Variants in PHACTR2 observed in about 807,000 individuals in gnomAD.
The protein encoded by PHACTR2 is phosphatase and actin regulator 2.
A neutral mutation model predicts 76.0 loss-of-function variants in PHACTR2; 30 were observed. The observed-to-expected ratio is 0.39, with a 90% CI of 0.30 to 0.54. The LOEUF is 0.54. Ranked by LOEUF, PHACTR2 falls within the 20% of genes least tolerant of loss-of-function variation. PHACTR2 has a pLI of 0.61. For synonymous variants in PHACTR2, 292 were observed against 292.5 expected (o/e 1.00, Z 0.02); for missense variants, 696 against 781.1 (o/e 0.89, Z 1.30).
intron 2 of PHACTR2, among the ~76,000 whole-genome samples, chr6:143,713,230 C>G (rs1272159209): frequency 6.6e-6 from 1 of 152,028 alleles, no homozygotes; most frequent in Non-Finnish European, 1.5e-5. Flanking sequence ...AAAGTGGTCT[C>G]GGATGCATTT....
At position 143,658,155 on chromosome 6, in the gene PHACTR2, C is replaced by G. The variant is rs1209265303; in HGVS notation, c.13+49833C>G. Among the ~76,000 whole-genome samples, 1 of 152,112 alleles carries G rather than the reference C, an allele frequency of 6.6e-6. No individual in the cohort carries two copies. The highest frequency in any genetic ancestry group is 6.5e-5 in the Admixed American group (1 of 15,278). On this transcript the variant is annotated intron_variant, in intron 1 of 11. Transcript: ENST00000305766. The surrounding 1 kb of genome is among the most constrained non-coding windows in gnomAD (Gnocchi z 4.1). ...GTTTTTATTTCTGCTGAATAAATGA[C>G]AAGTAGAATTTCTGAGTCATAGGGT...
At chr6:143,665,137 A>G (rs1046440336) in intron 1 of PHACTR2, among the ~76,000 whole-genome samples, 6 of 152,194 alleles carry the variant, frequency 3.9e-5, no homozygotes, top group African/African-American at 1.4e-4. Flanking sequence ...TATCCTGTAG[A>G]TGTTTTCAGT....
rs546471969 is a variant in PHACTR2, at chr6:143,581,833, C to T, written c.217+44626C>T. On this transcript the variant is annotated intron_variant, in intron 1 of 11. Transcript: ENST00000367584. The surrounding 1 kb of genome is among the most constrained non-coding windows in gnomAD (Gnocchi z 4.5). ...GGTGACAGAGTGAGAACCCTGTTCC[C>T]CTCCCCACCCCTCAAAAAGGAAAGA... 6.8e-4 allele frequency among the ~76,000 whole-genome samples: 104 copies of T among 152,110 alleles called. 2 individuals carry two copies. In the South Asian group the frequency reaches 0.021, roughly 31 times the overall value.
rs1214879485 is a variant in PHACTR2, at chr6:143,585,875, T to C, written c.217+48668T>C. 6.6e-6 allele frequency among the ~76,000 whole-genome samples: 1 copy of C among 152,184 alleles called. No homozygotes were observed. Among genetic ancestry groups the C allele is most frequent in the Non-Finnish European group, 1.5e-5 (1 of 68,026 alleles). On this transcript the variant is annotated intron_variant, in intron 1 of 11. Coordinates refer to the PHACTR2 transcript ENST00000367584. The surrounding 1 kb of genome is among the most constrained non-coding windows in gnomAD (Gnocchi z 5.2). ...AGTGGATGAGCCCAGCAGCAGGGGATTTTAAGCTGGGGCCGCTAGCACTTC... is the reference window on the plus strand; with the variant it reads ...AGTGGATGAGCCCAGCAGCAGGGGACTTTAAGCTGGGGCCGCTAGCACTTC...
intron 1 of PHACTR2, among the ~76,000 whole-genome samples, chr6:143,586,614 G>A (rs1330382715): frequency 3.9e-5 from 6 of 152,200 alleles, no homozygotes; most frequent in Non-Finnish European, 8.8e-5. Context: ...GCAGCCCAGG[G>A]CAGTTTTGCA....
chr6:143,755,190 A>G lies in PHACTR2; in HGVS notation c.454+1278A>G, dbSNP rs1779271886. 9.0e-6 allele frequency: 4 copies of G among 446,108 alleles called. No homozygotes were observed. Among genetic ancestry groups the G allele is most frequent in the Non-Finnish European group, 1.8e-5 (4 of 220,546 alleles). The allele number at this position is 446,108 out of a possible 1,614,324, so 27.6% of individuals were successfully genotyped here. A position where few individuals can be genotyped will look rare whatever the true frequency, so the allele number is the denominator to read the frequency against. ...ATTAACTAATACTTTCAATGATAATATTCCTGGAACATAAAAAGAAAGTAG... is the reference window on the plus strand; with the variant it reads ...ATTAACTAATACTTTCAATGATAATGTTCCTGGAACATAAAAAGAAAGTAG... On this transcript the variant is annotated intron_variant, in intron 4 of 12. Coordinates refer to ENST00000440869, the MANE Select transcript of PHACTR2 (RefSeq NM_001100164.2). The surrounding 1 kb of genome is among the most constrained non-coding windows in gnomAD (Gnocchi z 5.2).
Position 143,794,680 on chromosome 6 carries a change from G to A in PHACTR2, c.1845+5770G>A, listed in dbSNP as rs1427941464. On this transcript the variant is annotated intron_variant, in intron 11 of 12. Coordinates refer to ENST00000440869, the MANE Select transcript of PHACTR2 (RefSeq NM_001100164.2). The surrounding 1 kb of genome is among the most constrained non-coding windows in gnomAD (Gnocchi z 4.1). ...ATGGTGGCTCCTGCCTGTAGTCCCA[G>A]CTGCTTGGGAGACTGAAGCAGGAGA... is the stretch of plus-strand genomic sequence containing the variant. 6.6e-6 allele frequency among the ~76,000 whole-genome samples: 1 copy of A among 152,088 alleles called. No homozygotes were observed. The highest frequency in any genetic ancestry group is 1.5e-5 in the Non-Finnish European group (1 of 68,028).
intron 1 of PHACTR2, among the ~76,000 whole-genome samples, chr6:143,657,625 C>G (rs1285782259): frequency 6.6e-6 from 1 of 152,160 alleles, no homozygotes; most frequent in Non-Finnish European, 1.5e-5. Flanking sequence ...TCTTAGAAGC[C>G]ACGTCTTTTG....
chr6:143,672,329 C>A lies in PHACTR2; in HGVS notation c.14-39687C>A, dbSNP rs1331561742. The stretch of plus-strand genomic sequence containing the variant: ...ACAAATAATTAGCTGGGCATGGTGG[C>A]AGGCACCCATAGTCCCAGCTACTCT... On this transcript the variant is annotated intron_variant, in intron 1 of 11. Transcript: ENST00000305766. This position sits in a 1 kb window ranked among gnomAD's most constrained non-coding sequence, Gnocchi z 5.8. Among the ~76,000 whole-genome samples the A allele has an allele frequency of 1.3e-5, 2 of 151,720 alleles. No individual in the cohort carries two copies. Among genetic ancestry groups the A allele is most frequent in the Non-Finnish European group, 1.5e-5 (1 of 67,950 alleles).
chr6:143,698,618 C>G lies in PHACTR2; in HGVS notation c.47-13398C>G, dbSNP rs935678849. On this transcript the variant is annotated intron_variant, in intron 1 of 12. Coordinates refer to ENST00000440869, the MANE Select transcript of PHACTR2 (RefSeq NM_001100164.2). The surrounding 1 kb of genome is among the most constrained non-coding windows in gnomAD (Gnocchi z 4.3). ...CTATGTCTGCCGTGGGAACTAATGC[C>G]ACAGTACCACCGTGTGAGCCTCTGG... 6.6e-6 allele frequency among the ~76,000 whole-genome samples: 1 copy of G among 152,150 alleles called. No homozygotes were observed. The highest frequency in any genetic ancestry group is 1.5e-5 in the Non-Finnish European group (1 of 68,036).
rs932923596 is a variant in PHACTR2 at position 143,765,243 on chromosome 6, A to G, written c.695-18A>G. On this transcript the variant is annotated intron_variant, in intron 5 of 12. Coordinates refer to ENST00000440869, the MANE Select transcript of PHACTR2 (RefSeq NM_001100164.2). This position sits in a 1 kb window ranked among gnomAD's most constrained non-coding sequence, Gnocchi z 4.1. The stretch of plus-strand genomic sequence containing the variant: ...ATTGTATTCTTTGATTTTTTAATGC[A>G]AGGTCTCTCTATTGTAGCTGGCTCC... The G allele has an allele frequency of 5.7e-6, 9 of 1,574,074 alleles. No individual in the cohort carries two copies. Among genetic ancestry groups the G allele is most frequent in the Non-Finnish European group, 7.8e-6 (9 of 1,159,914 alleles).
At position 143,697,087 on chromosome 6, in the gene PHACTR2, A is replaced by G. The variant is rs1777791422; in HGVS notation, c.47-14929A>G. 1.3e-5 allele frequency among the ~76,000 whole-genome samples: 2 copies of G among 152,234 alleles called. No individual in the cohort carries two copies. The highest frequency in any genetic ancestry group is 1.3e-4 in the Admixed American group (2 of 15,284). On this transcript the variant is annotated intron_variant, in intron 1 of 12. Coordinates refer to ENST00000440869, the MANE Select transcript of PHACTR2 (RefSeq NM_001100164.2). This position sits in a 1 kb window ranked among gnomAD's most constrained non-coding sequence, Gnocchi z 4.4. ...TTAATTGAAAGCCTAAAATATTGCC[A>G]CATAACTGAACATCTGTCATAATGC...
rs1217048568 is a variant in PHACTR2, at chr6:143,767,695, G to A, written c.1232+1897G>A. Among the ~76,000 whole-genome samples the A allele has an allele frequency of 6.6e-6, 1 of 152,146 alleles. No individual in the cohort carries two copies. Among genetic ancestry groups the A allele is most frequent in the African/African-American group, 2.4e-5 (1 of 41,436 alleles). ...ATGGTGGAAGGTGGAAGGGCAGAGA[G>A]CACAACAGAGTGAACCTACCCCTGT... On this transcript the variant is annotated intron_variant, in intron 6 of 12. Transcript: ENST00000440869. The surrounding 1 kb of genome is among the most constrained non-coding windows in gnomAD (Gnocchi z 4.4).
At chr6:143,673,236 A>G (rs1777187629), upstream of PHACTR2, among the ~76,000 whole-genome samples, 1 of 152,192 alleles carries the variant, frequency 6.6e-6, no homozygotes, top group Non-Finnish European at 1.5e-5. Flanking sequence ...GGGGCATACA[A>G]AAGAAAATTT....
chr6:143,644,392 C>T (rs1360811255), intron 1 of PHACTR2, among the ~76,000 whole-genome samples: 2 of 143,602 alleles, frequency 1.4e-5, no homozygotes, highest in African/African-American at 2.6e-5. Flanking sequence ...GGGGTGAACC[C>T]GGGAGGCGGA....
chr6:143,652,616 A>C lies in PHACTR2; in HGVS notation c.13+44294A>C, dbSNP rs995019984. Among the ~76,000 whole-genome samples the C allele has an allele frequency of 2.0e-5, 3 of 152,206 alleles. No homozygotes were observed. The highest frequency in any genetic ancestry group is 2.9e-5 in the Non-Finnish European group (2 of 68,042). On this transcript the variant is annotated intron_variant, in intron 1 of 11. Coordinates refer to the PHACTR2 transcript ENST00000305766. The surrounding 1 kb of genome is among the most constrained non-coding windows in gnomAD (Gnocchi z 4.5). Reference sequence around the variant, plus strand: ...GTTTTCAGATCTTATTAAAAAGCTCAGGGTTTCGGGAATCCGACTGTTCTG... The same window carrying C: ...GTTTTCAGATCTTATTAAAAAGCTCCGGGTTTCGGGAATCCGACTGTTCTG...
intron 1 of PHACTR2, among the ~76,000 whole-genome samples, chr6:143,579,580 C>A (rs751615197): frequency 2.0e-5 from 3 of 152,008 alleles, no homozygotes; most frequent in Non-Finnish European, 4.4e-5. Context: ...AGGAACCCCC[C>A]CAATAAGGCA....
rs183793193 is a variant in PHACTR2 at position 143,654,895 on chromosome 6, C to T, written c.13+46573C>T. ...CATGCTAGCCGGGCACTGTGGCTCACGCCTGTAATCCCAGCACTTTGGGAG... is the reference window on the plus strand; with the variant it reads ...CATGCTAGCCGGGCACTGTGGCTCATGCCTGTAATCCCAGCACTTTGGGAG... On this transcript the variant is annotated intron_variant, in intron 1 of 11. Coordinates refer to the PHACTR2 transcript ENST00000305766. This position sits in a 1 kb window ranked among gnomAD's most constrained non-coding sequence, Gnocchi z 4.6. 1.5e-4 allele frequency among the ~76,000 whole-genome samples: 23 copies of T among 152,266 alleles called. No homozygotes were observed. Among genetic ancestry groups the T allele is most frequent in the Non-Finnish European group, 2.6e-4 (18 of 68,018 alleles).
intron 1 of PHACTR2, among the ~76,000 whole-genome samples, chr6:143,685,355 A>G (rs1777489686): frequency 6.6e-6 from 1 of 152,090 alleles, no homozygotes. Context: ...ATAATAGTTA[A>G]TATCATTAAT....
Sources: gnomAD v4.1 joint callset for allele counts (sites outside exome capture counted in the v4.1 genomes callset) on GRCh38, gnomAD v4.1.1 for gene constraint, Gnocchi (gnomAD v3.1) non-coding constraint, MANE v1.5 for transcripts, NCBI Gene and HGNC (gene_info 2026-07-23, HGNC 2026-07-21) for gene names.